The following PLXDC2 variants were observed in gnomAD, a reference collection of about 807,000 sequenced individuals.
PLXDC2 encodes the protein plexin domain-containing protein 2.
A neutral mutation model predicts 68.9 loss-of-function variants in PLXDC2; 40 were observed. The observed-to-expected ratio is 0.58, with a 90% CI of 0.45 to 0.76. The LOEUF (loss-of-function observed/expected upper bound fraction) is 0.76, where lower values mean the gene tolerates loss of function less well. Ranked by LOEUF, PLXDC2 falls within the 30% of genes least tolerant of loss-of-function variation. The probability of loss-of-function intolerance (pLI) is 0.00; values close to 1 mark genes in which losing one functional copy is unlikely to be tolerated. For missense variants in PLXDC2, 644 were observed against 661.9 expected, an observed-to-expected ratio of 0.97 and a Z score of 0.30; for synonymous variants, 243 against 234.2, an observed-to-expected ratio of 1.04 and a Z score of -0.34.
Position 20,245,518 on chromosome 10 carries a change from T to C in PLXDC2, c.1473+13T>C. Reference sequence around the variant, plus strand: ...CTTCTTTATTGAGGTAAGTGTTGAGTTTAACACATGAAAACCACGCCAGTT... The same window carrying C: ...CTTCTTTATTGAGGTAAGTGTTGAGCTTAACACATGAAAACCACGCCAGTT... On this transcript the variant is annotated intron_variant, in intron 13 of 13. Transcript: ENST00000377252. The C allele has an allele frequency of 6.2e-7, 1 of 1,606,658 alleles. No individual in the cohort carries two copies. Among genetic ancestry groups the C allele is most frequent in the African/African-American group, 1.3e-5 (1 of 74,802 alleles).
At chr10:19,868,821 A>G (rs1293196138) in intron 1 of PLXDC2, among the ~76,000 whole-genome samples, 3 of 152,256 alleles carry the variant, frequency 2.0e-5, no homozygotes, top group Non-Finnish European at 2.9e-5. Flanking sequence ...CATACCAAGT[A>G]TATAGAAATT....
chr10:19,973,960 A>G (rs1365199393), intron 1 of PLXDC2, among the ~76,000 whole-genome samples: 2 of 152,188 alleles, frequency 1.3e-5, no homozygotes. Flanking sequence ...CATTTTTTCA[A>G]GAGAGTTTTA....
chr10:20,212,737 A>G (rs1447727274), intron 10 of PLXDC2, among the ~76,000 whole-genome samples: 2 of 152,194 alleles, frequency 1.3e-5, no homozygotes, highest in African/African-American at 4.8e-5. Context: ...CTTTAAATGC[A>G]GTATTGCCAG....
intron 3 of PLXDC2, among the ~76,000 whole-genome samples, chr10:20,049,633 C>G (rs1023763815): frequency 6.6e-6 from 1 of 151,860 alleles, no homozygotes; most frequent in Non-Finnish European, 1.5e-5. Flanking sequence ...AATAAAATAC[C>G]TAGTAATACA....
chr10:20,249,472 C>T (rs147641358), intron 13 of PLXDC2, among the ~76,000 whole-genome samples: 81 of 152,274 alleles, frequency 5.3e-4, no homozygotes, highest in African/African-American at 1.8e-3. Context: ...CGTTTCCTTG[C>T]CATTTTCAGC....
intron 1 of PLXDC2, among the ~76,000 whole-genome samples, chr10:19,956,701 A>C (rs2131599423): frequency 6.6e-6 from 1 of 152,344 alleles, no homozygotes; most frequent in South Asian, 2.1e-4. Context: ...TATCTGTCTC[A>C]CATATTTATG....
intron 11 of PLXDC2, among the ~76,000 whole-genome samples, chr10:20,217,801 T>C (rs543032483): frequency 1.3e-5 from 2 of 152,024 alleles, no homozygotes; most frequent in African/African-American, 4.8e-5. Context: ...CACTGTGCCT[T>C]TTTTTAAGAC....
intron 1 of PLXDC2, among the ~76,000 whole-genome samples, chr10:19,964,633 A>G (rs893510520): frequency 4.6e-5 from 7 of 152,030 alleles, no homozygotes; most frequent in Non-Finnish European, 1.0e-4. Context: ...AGGATCACAC[A>G]CTATTGTCAC....
intron 13 of PLXDC2, among the ~76,000 whole-genome samples, chr10:20,249,477 T>C (rs952832711): frequency 6.6e-6 from 1 of 152,204 alleles, no homozygotes; most frequent in Non-Finnish European, 1.5e-5. Flanking sequence ...CCTTGCCATT[T>C]TCAGCTTCCA....
chr10:19,930,442 AG>A (rs1232060271), intron 1 of PLXDC2, among the ~76,000 whole-genome samples: 1 of 152,188 alleles, frequency 6.6e-6, no homozygotes, highest in African/African-American at 2.4e-5. Flanking sequence ...GCTGACTTAA[AG>A]GATATGTTGA....
chr10:20,268,286 TA>T (rs1835895996), intron 13 of PLXDC2, among the ~76,000 whole-genome samples: 1 of 152,222 alleles, frequency 6.6e-6, no homozygotes, highest in African/African-American at 2.4e-5. Flanking sequence ...TCCTCAGATT[TA>T]AAAACATACA....
At chr10:19,909,518 G>A (rs1833228300) in intron 1 of PLXDC2, among the ~76,000 whole-genome samples, 1 of 152,164 alleles carries the variant, frequency 6.6e-6, no homozygotes, top group Admixed American at 6.5e-5. Context: ...ATGATCGGAT[G>A]ACCACAGCAG....
rs569691468 is a variant in PLXDC2 at position 20,286,153 on chromosome 10, T to C, written c.*6334T>C. On this transcript the variant is annotated 3_prime_UTR_variant, in exon 14 of 14. Transcript: ENST00000377252. The stretch of plus-strand genomic sequence containing the variant: ...AATATATTTATTATGAGTGACCAAA[T>C]TTTGCCTGGAGGAGCAAAATGCTCA... 6 of 152,306 alleles carry C rather than the reference T, an allele frequency of 3.9e-5. No individual in the cohort carries two copies. In the South Asian group the frequency reaches 1.0e-3, roughly 26 times the overall value. The allele number at this position is 152,306 out of a possible 1,614,324, so 9.4% of individuals were successfully genotyped here. A position where few individuals can be genotyped will look rare whatever the true frequency, so the allele number is the denominator to read the frequency against.
chr10:19,837,405 A>T (rs201475942), intron 1 of PLXDC2, among the ~76,000 whole-genome samples: 17 of 45,044 alleles, frequency 3.8e-4, no homozygotes, highest in South Asian at 9.1e-4. Flanking sequence ...AGAGAGAGAG[A>T]GAGAGTGTGT....
At chr10:19,879,640 C>T (rs1837693896) in intron 1 of PLXDC2, among the ~76,000 whole-genome samples, 2 of 152,104 alleles carry the variant, frequency 1.3e-5, no homozygotes, top group Admixed American at 6.5e-5. Context: ...GAATTCATTG[C>T]ACACACATGA....
chr10:20,111,041 C>A (rs1833553855), intron 4 of PLXDC2, among the ~76,000 whole-genome samples: 1 of 152,178 alleles, frequency 6.6e-6, no homozygotes, highest in Non-Finnish European at 1.5e-5. Context: ...TCTTTACTTT[C>A]TCTCCTGCCT....
intron 9 of PLXDC2, among the ~76,000 whole-genome samples, chr10:20,193,156 G>T (rs1220945735): frequency 6.6e-6 from 1 of 152,010 alleles, no homozygotes; most frequent in Non-Finnish European, 1.5e-5. Context: ...GACAGAACTA[G>T]AAATTCTATG....
chr10:19,930,535 T>C (rs1833610762), intron 1 of PLXDC2, among the ~76,000 whole-genome samples: 1 of 152,128 alleles, frequency 6.6e-6, no homozygotes, highest in South Asian at 2.1e-4. Context: ...TCTACATACA[T>C]AGGAAGACCA....
chr10:19,896,415 G>T (rs1195259510), intron 1 of PLXDC2, among the ~76,000 whole-genome samples: 1 of 152,216 alleles, frequency 6.6e-6, no homozygotes, highest in Non-Finnish European at 1.5e-5. Flanking sequence ...CCTTACACCA[G>T]TTTGTTAACT....
Sources: gnomAD v4.1 joint callset for allele counts (sites outside exome capture counted in the v4.1 genomes callset) on GRCh38, gnomAD v4.1.1 for gene constraint, MANE v1.5 for transcripts, NCBI Gene and HGNC (gene_info 2026-07-23, HGNC 2026-07-21) for gene names.